The following ZMYM1 variants were observed in gnomAD, a reference collection of about 807,000 sequenced individuals.
The protein encoded by ZMYM1 is zinc finger MYM-type containing 1.
In ZMYM1, 39 loss-of-function variants were observed where a neutral mutation model predicts 60.0. The ratio of observed to expected loss-of-function variants is 0.65; its 90% CI spans 0.50 to 0.85. ZMYM1 has a LOEUF of 0.85. Among genes scored for constraint, ZMYM1 ranks in the 40% least tolerant of loss-of-function variants. The pLI is 0.00. For missense variants in ZMYM1, 1,171 were observed against 1,309.5 expected, an observed-to-expected ratio of 0.89 and a Z score of 1.63; for synonymous variants, 413 against 454.0, an observed-to-expected ratio of 0.91 and a Z score of 1.15.
intron 9 of ZMYM1, among the ~76,000 whole-genome samples, chr1:35,112,379 T>C (rs12131653): frequency 7.3e-5 from 11 of 150,450 alleles, no homozygotes; most frequent in African/African-American, 1.7e-4. Context: ...GGTTTCACCA[T>C]GTTGGCCAAC....
chr1:35,096,000 C>G, intron 3 of ZMYM1, 109 bp downstream of exon 3: 1 of 820,900 alleles, frequency 1.2e-6, no homozygotes, highest in Non-Finnish European at 2.0e-6. Flanking sequence ...GTTTTAAGTC[C>G]AGGAGAAGTA....
At chr1:35,084,982 T>G (rs1642578889) in intron 1 of ZMYM1, among the ~76,000 whole-genome samples, 1 of 152,004 alleles carries the variant, frequency 6.6e-6, no homozygotes, top group East Asian at 1.9e-4. Flanking sequence ...TTAATTCCAG[T>G]GAAAGGATTT....
chr1:35,078,482 C>CA (rs142035666), upstream of ZMYM1, among the ~76,000 whole-genome samples: 18,479 of 140,496 alleles, frequency 0.13, 3,725 homozygotes, highest in African/African-American at 0.44. Context: ...AAAGTATTGT[C>CA]AAAAAACATT....
intron 7 of ZMYM1, among the ~76,000 whole-genome samples, chr1:35,111,038 A>C (rs922747707): frequency 1.3e-5 from 2 of 152,202 alleles, no homozygotes; most frequent in South Asian, 4.1e-4. Context: ...ACCTACTGCA[A>C]AACATGGTAC....
intron 1 of ZMYM1, among the ~76,000 whole-genome samples, chr1:35,080,624 G>T (rs1642337205): frequency 6.6e-6 from 1 of 151,584 alleles, no homozygotes; most frequent in Admixed American, 6.6e-5. Flanking sequence ...GCTATTTGTG[G>T]TTTTGTACAT....
rs752685689 is a variant in ZMYM1, at chr1:35,113,811, A to C, written c.1981A>C (p.Ile661Leu). The C allele has an allele frequency of 6.2e-7, 1 of 1,613,838 alleles. No homozygotes were observed. The highest frequency in any genetic ancestry group is 8.5e-7 in the Non-Finnish European group (1 of 1,179,842). ...TAGTGCCATGAAAGAACAGCTTTCAATTTGTGTAAGATACCCACAAAAATC... is the reference window on the plus strand; with the variant it reads ...TAGTGCCATGAAAGAACAGCTTTCACTTTGTGTAAGATACCCACAAAAATC... ...INSAMKEQLS[I>L]CVRYPQKSSK... is the part of the protein sequence containing the mutation. Residue 661 changes from isoleucine (I) to leucine (L), a missense_variant, in exon 10 of 10, where the codon ATT becomes CTT. Coordinates refer to ENST00000359858, the MANE Select transcript of ZMYM1 (RefSeq NM_024772.5).
chr1:35,111,992 T>C (rs1297440833), intron 8 of ZMYM1, 80 bp downstream of exon 8: 2 of 1,551,500 alleles, frequency 1.3e-6, no homozygotes, highest in Non-Finnish European at 1.7e-6. Context: ...TAAATTTTCT[T>C]TTTGTTTCTT....
At chr1:35,109,842 G>A (rs772430683) in intron 6 of ZMYM1, among the ~76,000 whole-genome samples, 6 of 152,030 alleles carry the variant, frequency 3.9e-5, no homozygotes, top group Non-Finnish European at 7.4e-5. Context: ...TGCCACCCAG[G>A]TTCAAGTGAT....
At chr1:35,064,292 C>CAAAAA (rs371084383) in intron 1 of ZMYM1, among the ~76,000 whole-genome samples, 13 of 54,476 alleles carry the variant, frequency 2.4e-4, no homozygotes, top group African/African-American at 4.9e-4. Context: ...GATCCTGTCT[C>CAAAAA]AAAAAAAAAA....
At chr1:35,111,145 A>C (rs1362860217) in intron 7 of ZMYM1, among the ~76,000 whole-genome samples, 1 of 152,214 alleles carries the variant, frequency 6.6e-6, no homozygotes, top group Non-Finnish European at 1.5e-5. Context: ...TGTAAAAACA[A>C]GTTTTCATTA....
At position 35,104,789 on chromosome 1, in the gene ZMYM1, G is replaced by T. The variant is rs753638518; in HGVS notation, c.807+20G>T. ...AAGCAGGTATGAATAAAGACCTATT[G>T]TTTCTTCTATTAACTGGCCTATGAA... is the stretch of plus-strand genomic sequence containing the variant. On this transcript the variant is annotated intron_variant, in intron 6 of 9. Transcript: ENST00000359858. 1 of 1,588,448 alleles carries T rather than the reference G, an allele frequency of 6.3e-7. No individual in the cohort carries two copies. Among genetic ancestry groups the T allele is most frequent in the East Asian group, 2.3e-5 (1 of 44,302 alleles).
At chr1:35,106,000 TATCTC>T (rs1167590271) in intron 6 of ZMYM1, among the ~76,000 whole-genome samples, 1 of 152,100 alleles carries the variant, frequency 6.6e-6, no homozygotes, top group African/African-American at 2.4e-5. Flanking sequence ...TTACACCTGT[TATCTC>T]AGCACTTTGG....
intron 3 of ZMYM1, 92 bp downstream of exon 3, chr1:35,095,983 G>GT: frequency 9.9e-7 from 1 of 1,015,116 alleles, no homozygotes; most frequent in Non-Finnish European, 1.5e-6. Flanking sequence ...TGCTTTGTTT[G>GT]TGTTGGGTTT....
At chr1:35,110,760 G>A (rs932300921) in intron 7 of ZMYM1, among the ~76,000 whole-genome samples, 10 of 151,922 alleles carry the variant, frequency 6.6e-5, no homozygotes, top group East Asian at 5.8e-4. Flanking sequence ...TTGAAACCCC[G>A]TCTCTACTAA....
chr1:35,079,895 T>G (rs1480861938), intron 1 of ZMYM1, among the ~76,000 whole-genome samples: 1 of 152,184 alleles, frequency 6.6e-6, no homozygotes, highest in African/African-American at 2.4e-5. Flanking sequence ...GCGGATCTCT[T>G]GAGGTCAGAA....
rs140672609 is a variant in ZMYM1 at position 35,109,618 on chromosome 1, C to T, written c.808-676C>T. 3.4e-3 allele frequency among the ~76,000 whole-genome samples: 517 copies of T among 152,276 alleles called. 6 individuals carry two copies. Among genetic ancestry groups the T allele is most frequent in the African/African-American group, 0.012 (481 of 41,568 alleles). ...CTCCTTCCTGGCTCCTCCTCAGCAT[C>T]GGTAGACATCTTCCCAAGTTAATTC... On this transcript the variant is annotated intron_variant, in intron 6 of 9. Transcript: ENST00000359858.
At chr1:35,079,481 C>G (rs1274515513) in intron 1 of ZMYM1, 39 bp downstream of exon 1, 1 of 152,222 alleles carries the variant, frequency 6.6e-6, no homozygotes, top group Non-Finnish European at 1.5e-5. Context: ...GGTCTTTACT[C>G]CTGCGCCTTA....
chr1:35,113,617 A>G lies in ZMYM1; in HGVS notation c.1787A>G (p.Asp596Gly). 6.2e-7 allele frequency: 1 copy of G among 1,613,586 alleles called. No individual in the cohort carries two copies. Among genetic ancestry groups the G allele is most frequent in the South Asian group, 1.1e-5 (1 of 90,938 alleles). ...FLELLEMRAK[D>G]KGEETFRLMN... ...GAATTGTTAGAAATGAGAGCAAAAG[A>G]TAAAGGAGAAGAAACATTTCGACTT... The change falls in exon 10 of 10, where the codon GAT becomes GGT. Residue 596 changes from aspartate (D) to glycine (G), a missense_variant. Physicochemically the swap from Asp to Gly is moderately conservative, Grantham distance 94 (BLOSUM62 -1). Transcript: ENST00000359858.
At chr1:35,064,933 C>G (rs956073938) in intron 1 of ZMYM1, among the ~76,000 whole-genome samples, 4 of 152,080 alleles carry the variant, frequency 2.6e-5, no homozygotes, top group Non-Finnish European at 1.5e-5. Flanking sequence ...CCTCGGCCTC[C>G]CAAAGTGCTG....
Sources: allele counts gnomAD v4.1 joint callset (sites outside exome capture counted in the v4.1 genomes callset), GRCh38; gene constraint gnomAD v4.1.1; transcripts MANE v1.5; gene names NCBI Gene and HGNC (gene_info 2026-07-23, HGNC 2026-07-21).